DPYD: variants seen among roughly 807,000 people sequenced by gnomAD.
The protein encoded by DPYD is dihydropyrimidine dehydrogenase [NADP(+)].
Under a neutral mutation model 116.2 loss-of-function variants are expected in DPYD, and 109 were observed. The observed-to-expected ratio is 0.94, with a 90% CI of 0.80 to 1.10. DPYD has a LOEUF of 1.10. Among genes scored for constraint, DPYD ranks in the 50% least tolerant of loss-of-function variants. DPYD has a pLI of 0.00. For missense variants in DPYD, 1,302 were observed against 1,254.5 expected (o/e 1.04, Z -0.57); for synonymous variants, 440 against 432.0 (o/e 1.02, Z -0.23).
At position 97,454,140 on chromosome 1, in the gene DPYD, A is replaced by G. The variant is rs140040989; in HGVS notation, c.1741-3917T>C. 3.9e-5 allele frequency among the ~76,000 whole-genome samples: 6 copies of G among 152,114 alleles called. No homozygotes were observed. The East Asian group carries it at 1.2e-3, about 29-fold the overall frequency. On this transcript the variant is annotated intron_variant, in intron 13 of 22. Transcript: ENST00000370192. ...ATCCAGTAATAAATCGGTAATAAAA[A>G]TTTTATTCTAGATTTTCTTTCCCAA... is the stretch of plus-strand genomic sequence containing the variant.
At chr1:97,700,018 C>G (rs1332984381) in intron 5 of DPYD, among the ~76,000 whole-genome samples, 1 of 152,014 alleles carries the variant, frequency 6.6e-6, no homozygotes, top group Non-Finnish European at 1.5e-5. Flanking sequence ...TTGAATTCTG[C>G]TTTTGATTAT....
chr1:97,342,684 A>T (rs1486594081), intron 16 of DPYD, among the ~76,000 whole-genome samples: 2 of 152,204 alleles, frequency 1.3e-5, no homozygotes, highest in East Asian at 3.8e-4. Flanking sequence ...TGAGCACTGA[A>T]AGTTTAGCAC....
intron 20 of DPYD, among the ~76,000 whole-genome samples, chr1:97,142,655 A>AT (rs909850404): frequency 2.5e-4 from 37 of 148,930 alleles, no homozygotes; most frequent in African/African-American, 6.6e-4. Flanking sequence ...ATAATCTGTT[A>AT]TTTTTTTTTA....
chr1:97,449,429 G>T (rs183040343), intron 14 of DPYD, among the ~76,000 whole-genome samples: 3 of 152,154 alleles, frequency 2.0e-5, no homozygotes, highest in Admixed American at 2.0e-4. Context: ...AAAATAGGAA[G>T]TGGGAGAGGG....
At chr1:97,372,128 C>T (rs984717511) in intron 16 of DPYD, among the ~76,000 whole-genome samples, 3 of 152,118 alleles carry the variant, frequency 2.0e-5, no homozygotes, top group Non-Finnish European at 4.4e-5. Flanking sequence ...AAATAATTGT[C>T]GTATTTGTGG....
chr1:97,519,635 C>T (rs528522269), intron 12 of DPYD, among the ~76,000 whole-genome samples: 1 of 152,252 alleles, frequency 6.6e-6, no homozygotes, highest in Non-Finnish European at 1.5e-5. Context: ...AGACTATCTA[C>T]TTTAAAAGCT....
intron 18 of DPYD, among the ~76,000 whole-genome samples, chr1:97,303,340 T>C (rs1570468390): frequency 6.6e-6 from 1 of 152,116 alleles, no homozygotes; most frequent in Non-Finnish European, 1.5e-5. Flanking sequence ...TGAGCAGATA[T>C]TAGCACTGTG....
intron 20 of DPYD, among the ~76,000 whole-genome samples, chr1:97,143,802 T>C (rs1654410679): frequency 6.6e-6 from 1 of 152,162 alleles, no homozygotes; most frequent in South Asian, 2.1e-4. Context: ...CCCATCTTCG[T>C]AAGGCCATTT....
At chr1:97,496,705 A>G (rs771681670) in intron 13 of DPYD, among the ~76,000 whole-genome samples, 24 of 151,864 alleles carry the variant, frequency 1.6e-4, no homozygotes, top group Admixed American at 3.9e-4. Context: ...CTTTTTTCCA[A>G]TGGCATTCCT....
intron 2 of DPYD, among the ~76,000 whole-genome samples, chr1:97,836,630 C>T (rs1669785209): frequency 6.6e-6 from 1 of 151,906 alleles, no homozygotes; most frequent in South Asian, 2.1e-4. Context: ...TAAGCTACCT[C>T]AATTCTCTGA....
intron 16 of DPYD, among the ~76,000 whole-genome samples, chr1:97,332,705 T>A (rs1669076106): frequency 6.6e-6 from 1 of 152,106 alleles, no homozygotes; most frequent in Non-Finnish European, 1.5e-5. Context: ...TCTGGAAAAA[T>A]GAACAAAATG....
intron 11 of DPYD, among the ~76,000 whole-genome samples, chr1:97,552,768 T>C (rs1651417833): frequency 6.6e-6 from 1 of 152,082 alleles, no homozygotes; most frequent in African/African-American, 2.4e-5. Context: ...GGATTTTCTT[T>C]CATATTAAAA....
intron 3 of DPYD, among the ~76,000 whole-genome samples, chr1:97,819,790 A>G (rs1668824362): frequency 6.6e-6 from 1 of 152,036 alleles, no homozygotes; most frequent in Non-Finnish European, 1.5e-5. Flanking sequence ...TTGTAATCCT[A>G]ATGAATACAC....
chr1:97,513,917 C>T (rs1298702683), intron 13 of DPYD, among the ~76,000 whole-genome samples: 1 of 151,774 alleles, frequency 6.6e-6, no homozygotes, highest in African/African-American at 2.4e-5. Context: ...TTGAAAATGG[C>T]ATTACATAAG....
chr1:97,422,300 C>G (rs960558445), intron 14 of DPYD, among the ~76,000 whole-genome samples: 1 of 152,076 alleles, frequency 6.6e-6, no homozygotes, highest in Admixed American at 6.6e-5. Flanking sequence ...AAAGGGAAGA[C>G]AGCTTGCACA....
intron 3 of DPYD, among the ~76,000 whole-genome samples, chr1:97,808,630 T>A (rs1261193822): frequency 6.6e-6 from 1 of 152,096 alleles, no homozygotes; most frequent in Non-Finnish European, 1.5e-5. Context: ...TTCTTTCTCA[T>A]CACATTAGCT....
chr1:97,369,213 T>C (rs1351137635), intron 16 of DPYD, among the ~76,000 whole-genome samples: 2 of 152,168 alleles, frequency 1.3e-5, no homozygotes, highest in African/African-American at 4.8e-5. Context: ...TAATATGCTG[T>C]TACAGAAAAT....
chr1:97,757,506 G>A (rs1486980673), intron 3 of DPYD, among the ~76,000 whole-genome samples: 2 of 152,048 alleles, frequency 1.3e-5, no homozygotes, highest in Non-Finnish European at 2.9e-5. Context: ...AGCCACACCA[G>A]GTGTTCAACA....
intron 20 of DPYD, among the ~76,000 whole-genome samples, chr1:97,123,612 C>T (rs1652611794): frequency 6.6e-6 from 1 of 152,028 alleles, no homozygotes; most frequent in Admixed American, 6.6e-5. Context: ...TAAGAAAATC[C>T]ACAATCTAGA....
Sources: gnomAD v4.1 joint callset for allele counts (sites outside exome capture counted in the v4.1 genomes callset) on GRCh38, gnomAD v4.1.1 for gene constraint, MANE v1.5 for transcripts, NCBI Gene and HGNC (gene_info 2026-07-23, HGNC 2026-07-21) for gene names.